TRANK1: variants seen among roughly 807,000 people sequenced by gnomAD.
The protein encoded by TRANK1 is tetratricopeptide repeat and ankyrin repeat containing 1, also known as TPR and ankyrin repeat-containing protein 1.
In TRANK1, 198 loss-of-function variants were observed where a neutral mutation model predicts 266.0. The observed-to-expected ratio is 0.74, with a 90% CI of 0.66 to 0.84. The LOEUF is 0.84. TRANK1 is among the 40% of genes least tolerant of loss of function. TRANK1 has a pLI of 0.00. For missense variants in TRANK1, 3,326 were observed against 3,634.6 expected (o/e 0.92, Z 2.18); for synonymous variants, 1,396 against 1,384.1 (o/e 1.01, Z -0.19).
intron 2 of TRANK1, among the ~76,000 whole-genome samples, chr3:36,904,503 A>C (rs955532006): frequency 3.4e-4 from 52 of 150,734 alleles, no homozygotes; most frequent in Non-Finnish European, 1.2e-4. Flanking sequence ...CTGGCAACAC[A>C]GCAAGACTCC....
intron 1 of TRANK1, among the ~76,000 whole-genome samples, chr3:36,939,730 A>G (rs574741892): frequency 6.6e-6 from 1 of 152,308 alleles, no homozygotes; most frequent in Admixed American, 6.5e-5. Flanking sequence ...CTGCCCCTTC[A>G]TGAAGCTCAC....
chr3:36,933,039 T>C (rs961368970), intron 1 of TRANK1, among the ~76,000 whole-genome samples: 10 of 152,200 alleles, frequency 6.6e-5, no homozygotes, highest in Admixed American at 6.5e-4. Flanking sequence ...TTTTCTTCCT[T>C]TCTGTCTTTG....
At chr3:36,938,680 C>T (rs941746530) in intron 1 of TRANK1, among the ~76,000 whole-genome samples, 1 of 151,942 alleles carries the variant, frequency 6.6e-6, no homozygotes, top group Non-Finnish European at 1.5e-5. Flanking sequence ...CAGAGCTGGC[C>T]GGGTGTGATA....
chr3:36,903,431 C>T (rs527237010), intron 2 of TRANK1, among the ~76,000 whole-genome samples, 156 bp from the exon 3 acceptor site: 1 of 152,226 alleles, frequency 6.6e-6, no homozygotes, highest in Non-Finnish European at 1.5e-5. Flanking sequence ...AGACCCCAAA[C>T]GAGCCTGGAA....
rs1324068391 is a variant in TRANK1, at chr3:36,892,238, G to C, written c.739C>G (p.Pro247Ala). 23 of 1,537,168 alleles carry C rather than the reference G, an allele frequency of 1.5e-5. No homozygotes were observed. Among genetic ancestry groups the C allele is most frequent in the Non-Finnish European group, 2.0e-5 (23 of 1,146,884 alleles). The change falls in exon 7 of 24, where the codon CCC (proline) becomes GCC (alanine). Residue 247 changes from proline (P) to alanine (A), a missense_variant. By Grantham distance (27) the Pro-to-Ala change is conservative. Coordinates refer to ENST00000645898, the MANE Select transcript of TRANK1 (RefSeq NM_001329998.2). ...CAGAGTCGCATGAGGGCATGAAGGG[G>C]ATACGGTCCTATAGTCTCAACACTT... is the stretch of plus-strand genomic sequence containing the variant. Reference protein sequence around the residue: ...GASVETIGPYPLHALMRLCIQ... With the variant: ...GASVETIGPYALHALMRLCIQ...
chr3:36,940,277 C>G (rs2125672777), intron 1 of TRANK1, among the ~76,000 whole-genome samples: 1 of 151,402 alleles, frequency 6.6e-6, no homozygotes, highest in South Asian at 2.1e-4. Flanking sequence ...GCGGGTGGAT[C>G]ACGAGGTCAG....
rs760580610 is a variant in TRANK1 at position 36,831,886 on chromosome 3, C to G, written c.7697G>C (p.Cys2566Ser). 23 of 1,613,934 alleles carry G rather than the reference C, an allele frequency of 1.4e-5. No homozygotes were observed. Among genetic ancestry groups the G allele is most frequent in the Non-Finnish European group, 1.6e-5 (19 of 1,179,906 alleles). ...SGEAERTLVLCLVMLVNAEEI... is the reference protein window; with the variant it reads ...SGEAERTLVLSLVMLVNAEEI... ...CTCAGCATTCACTAGCATCACCAAG[C>G]ACAGCACCAGTGTCCGCTCAGCCTC... The change falls in exon 22 of 24, where the codon TGC becomes TCC. Residue 2566 changes from cysteine (C) to serine (S), a missense_variant. Transcript: ENST00000645898. This position sits in a 1 kb window ranked among gnomAD's most constrained non-coding sequence, Gnocchi z 5.0.
intron 9 of TRANK1, among the ~76,000 whole-genome samples, chr3:36,864,811 A>G (rs1447023166): frequency 6.6e-6 from 1 of 152,202 alleles, no homozygotes; most frequent in Non-Finnish European, 1.5e-5. Context: ...CTACTGAGAG[A>G]TAAGAGACAA....
At chr3:36,944,712 G>A in intron 1 of TRANK1, 75 bp downstream of exon 1, 2 of 1,481,404 alleles carry the variant, frequency 1.4e-6, no homozygotes, top group Non-Finnish European at 1.8e-6. Flanking sequence ...CCCCGCGCGC[G>A]GCCGCCTCCC....
rs28726219 is a variant in TRANK1, at chr3:36,828,898, T to C, written c.8810-523A>G. Among the ~76,000 whole-genome samples the C allele has an allele frequency of 6.6e-3, 998 of 152,264 alleles. 10 individuals carry two copies. The highest frequency in any genetic ancestry group is 0.023 in the African/African-American group (956 of 41,528). ...ATTTGTGCCAAGTCCCTTCAAGTTTTCCCCACCTCTGGGGTCTGGATTTTC... is the reference window on the plus strand; with the variant it reads ...ATTTGTGCCAAGTCCCTTCAAGTTTCCCCCACCTCTGGGGTCTGGATTTTC... On this transcript the variant is annotated intron_variant, in intron 23 of 23. Coordinates refer to ENST00000645898, the MANE Select transcript of TRANK1 (RefSeq NM_001329998.2).
intron 1 of TRANK1, among the ~76,000 whole-genome samples, chr3:36,917,791 A>G (rs1336314846): frequency 6.6e-6 from 1 of 152,168 alleles, no homozygotes. Context: ...GGGAGTAAAA[A>G]TGTTTACTCT....
chr3:36,888,989 T>C (rs1043025816), intron 8 of TRANK1, among the ~76,000 whole-genome samples: 9 of 152,120 alleles, frequency 5.9e-5, no homozygotes, highest in African/African-American at 2.2e-4. Flanking sequence ...GAGGTTGCAG[T>C]GAGCCAAGAT....
At chr3:36,877,194 T>C (rs7613075) in intron 8 of TRANK1, among the ~76,000 whole-genome samples, 2,037 of 152,308 alleles carry the variant, frequency 0.013, 43 homozygotes, top group African/African-American at 0.045. Context: ...GCAATAGCTT[T>C]CAAAATCCAA....
At position 36,892,861 on chromosome 3, in the gene TRANK1, A is replaced by C. The variant is rs1489044628; in HGVS notation, c.636+40T>G. 20 of 719,064 alleles carry C rather than the reference A, an allele frequency of 2.8e-5. 1 individual carries two copies. Among genetic ancestry groups the C allele is most frequent in the East Asian group, 5.0e-5 (1 of 20,026 alleles). The allele number at this position is 719,064 out of a possible 1,614,324, so 44.5% of individuals were successfully genotyped here. A position where few individuals can be genotyped will look rare whatever the true frequency, so the allele number is the denominator to read the frequency against. ...ACAAAACAAAACAAAACATATATAT[A>C]TATATATATAGATATATATAGATAT... On this transcript the variant is annotated intron_variant, in intron 6 of 23. Transcript: ENST00000645898.
At chr3:36,925,797 G>A (rs2080280367) in intron 1 of TRANK1, among the ~76,000 whole-genome samples, 1 of 152,056 alleles carries the variant, frequency 6.6e-6, no homozygotes, top group Admixed American at 6.6e-5. Context: ...TGTTGGCCAG[G>A]ATGGTCTTGA....
chr3:36,909,036 T>C (rs1285645109), intron 1 of TRANK1, among the ~76,000 whole-genome samples: 1 of 152,210 alleles, frequency 6.6e-6, no homozygotes, highest in Admixed American at 6.5e-5. Context: ...GGTGAAGGCC[T>C]CAGTATGCAA....
chr3:36,853,645 G>T (rs116609742), intron 13 of TRANK1, among the ~76,000 whole-genome samples: 1,728 of 152,180 alleles, frequency 0.011, 34 homozygotes, highest in African/African-American at 0.04. Flanking sequence ...AGTAATTTTT[G>T]ATGTAACCAT....
chr3:36,871,183 A>C (rs904497949), intron 9 of TRANK1, among the ~76,000 whole-genome samples: 1 of 151,936 alleles, frequency 6.6e-6, no homozygotes, highest in African/African-American at 2.4e-5. Context: ...AGGTCAGCAG[A>C]TCAAGACCAG....
chr3:36,849,194 G>C (rs2078954580), intron 15 of TRANK1, among the ~76,000 whole-genome samples: 2 of 152,096 alleles, frequency 1.3e-5, no homozygotes, highest in South Asian at 4.1e-4. Flanking sequence ...ACCCATAAAG[G>C]TTGTAGTTTT....
Sources: gnomAD v4.1 joint callset for allele counts (sites outside exome capture counted in the v4.1 genomes callset) on GRCh38, gnomAD v4.1.1 for gene constraint, Gnocchi (gnomAD v3.1) non-coding constraint, MANE v1.5 for transcripts, NCBI Gene and HGNC (gene_info 2026-07-23, HGNC 2026-07-21) for gene names.